The following NEDD4 variants were observed in gnomAD, a reference collection of about 807,000 sequenced individuals.
NEDD4 encodes the protein NEDD4 E3 ubiquitin protein ligase.
Under a neutral mutation model 144.9 loss-of-function variants are expected in NEDD4, and 99 were observed. That is an observed-to-expected ratio of 0.68 (90% CI 0.58 to 0.81). NEDD4 has a LOEUF of 0.81. Among genes scored for constraint, NEDD4 ranks in the 30% least tolerant of loss-of-function variants. The pLI is 0.00. For missense variants in NEDD4, 985 were observed against 1,065.9 expected (o/e 0.92, Z 1.06); for synonymous variants, 318 against 350.6 (o/e 0.91, Z 1.04).
chr15:55,915,773 T>A, intron 5 of NEDD4: 1 of 1,613,664 alleles, frequency 6.2e-7, no homozygotes, highest in Non-Finnish European at 8.5e-7. Context: ...AAAGAACAAT[T>A]TTCTTCTGTA....
intron 2 of NEDD4, among the ~76,000 whole-genome samples, chr15:55,958,440 T>C (rs534789576): frequency 4.6e-5 from 7 of 152,310 alleles, no homozygotes; most frequent in East Asian, 3.9e-4. Flanking sequence ...TTGACAGATA[T>C]TGGTTTTAAG....
At chr15:55,853,914 C>T (rs569645072) in intron 12 of NEDD4, among the ~76,000 whole-genome samples, 4 of 152,244 alleles carry the variant, frequency 2.6e-5, no homozygotes, top group South Asian at 2.1e-4. Flanking sequence ...CTGCTTGAAC[C>T]GGGAGGCAGA....
chr15:55,923,569 C>A (rs1346932078), intron 5 of NEDD4, among the ~76,000 whole-genome samples: 8 of 150,832 alleles, frequency 5.3e-5, no homozygotes, highest in African/African-American at 9.7e-5. Context: ...ACTGCATGAA[C>A]CCTGGAGGCG....
chr15:55,949,132 C>T (rs80015860), intron 4 of NEDD4, among the ~76,000 whole-genome samples: 20,433 of 151,976 alleles, frequency 0.13, 1,497 homozygotes, highest in East Asian at 0.32. Context: ...CATCAAGAAG[C>T]GGGCGAAGGA....
chr15:55,869,093 T>C (rs748091255), intron 8 of NEDD4, among the ~76,000 whole-genome samples: 10 of 152,152 alleles, frequency 6.6e-5, no homozygotes, highest in Non-Finnish European at 5.9e-5. Context: ...TCCATGAAAA[T>C]TGTTAAATTC....
intron 4 of NEDD4, among the ~76,000 whole-genome samples, chr15:55,947,435 G>A (rs1404218205): frequency 1.3e-5 from 2 of 152,094 alleles, no homozygotes; most frequent in South Asian, 2.1e-4. Flanking sequence ...TAAATTCCTC[G>A]ACACATACAC....
chr15:55,979,650 G>A (rs2037767383), intron 1 of NEDD4, among the ~76,000 whole-genome samples: 1 of 152,076 alleles, frequency 6.6e-6, no homozygotes, highest in Admixed American at 6.5e-5. Flanking sequence ...ACCGCGCCCG[G>A]CGAAAGTTTT....
intron 18 of NEDD4, among the ~76,000 whole-genome samples, chr15:55,843,399 CTTAA>C (rs752983491): frequency 2.7e-4 from 41 of 152,344 alleles, no homozygotes; most frequent in Non-Finnish European, 5.4e-4. Context: ...AGTCTGTGCT[CTTAA>C]TTAATGGAGC....
At chr15:55,834,985 G>C (rs1294703452) in intron 24 of NEDD4, among the ~76,000 whole-genome samples, 2 of 152,110 alleles carry the variant, frequency 1.3e-5, no homozygotes, top group Non-Finnish European at 2.9e-5. Flanking sequence ...TCCTCAGGGA[G>C]GTCATCTCAC....
At chr15:55,955,973 A>G (rs2037331864) in intron 2 of NEDD4, among the ~76,000 whole-genome samples, 1 of 151,072 alleles carries the variant, frequency 6.6e-6, no homozygotes. Context: ...GCATCACCAC[A>G]CCTGGCTAAT....
intron 5 of NEDD4, among the ~76,000 whole-genome samples, chr15:55,888,550 T>A (rs1482205626): frequency 1.3e-5 from 2 of 152,216 alleles, no homozygotes; most frequent in African/African-American, 4.8e-5. Context: ...ACAGATTTGA[T>A]GCAATCCCTA....
chr15:55,840,377 A>C, intron 21 of NEDD4, 70 bp downstream of exon 21: 1 of 1,381,816 alleles, frequency 7.2e-7, no homozygotes, highest in East Asian at 2.4e-5. Context: ...CATTAAAAGC[A>C]AATTCTTCAA....
chr15:55,906,708 C>G (rs2036111487), intron 5 of NEDD4, among the ~76,000 whole-genome samples: 1 of 152,064 alleles, frequency 6.6e-6, no homozygotes, highest in African/African-American at 2.4e-5. Flanking sequence ...GTGCAGCACA[C>G]CAACATGGCA....
intron 4 of NEDD4, among the ~76,000 whole-genome samples, chr15:55,938,210 T>G (rs1389766282): frequency 6.6e-6 from 1 of 152,004 alleles, no homozygotes; most frequent in Non-Finnish European, 1.5e-5. Context: ...AATACAAAAA[T>G]TAGCTGGGCA....
At chr15:55,930,524 CAG>C (rs1303472852) in intron 4 of NEDD4, among the ~76,000 whole-genome samples, 1 of 152,100 alleles carries the variant, frequency 6.6e-6, no homozygotes, top group Non-Finnish European at 1.5e-5. Flanking sequence ...ATAATACAAA[CAG>C]AGGGAAGAAA....
At chr15:55,842,725 G>C (rs764591435) in intron 18 of NEDD4, among the ~76,000 whole-genome samples, 1 of 152,182 alleles carries the variant, frequency 6.6e-6, no homozygotes, top group Non-Finnish European at 1.5e-5. Context: ...AAGGCATTTC[G>C]TTAACAGTCC....
intron 2 of NEDD4, among the ~76,000 whole-genome samples, chr15:55,961,232 T>C (rs1472472302): frequency 1.3e-5 from 2 of 152,164 alleles, no homozygotes; most frequent in Admixed American, 1.3e-4. Context: ...TAAACATCTA[T>C]GTCCAAATTC....
intron 13 of NEDD4, 55 bp from the exon 14 acceptor site, chr15:55,850,797 G>C (rs2142007537): frequency 6.7e-7 from 1 of 1,493,472 alleles, no homozygotes; most frequent in Non-Finnish European, 9.0e-7. Context: ...CTCACAAATA[G>C]ATGTAGTTAA....
At chr15:55,864,423 T>C (rs1180118050) in intron 8 of NEDD4, among the ~76,000 whole-genome samples, 1 of 151,970 alleles carries the variant, frequency 6.6e-6, no homozygotes, top group African/African-American at 2.4e-5. Context: ...GGCTCAGGCC[T>C]ATAATTCCAG....
Sources: gnomAD v4.1 joint callset for allele counts (sites outside exome capture counted in the v4.1 genomes callset) on GRCh38, gnomAD v4.1.1 for gene constraint, MANE v1.5 for transcripts, NCBI Gene and HGNC (gene_info 2026-07-23, HGNC 2026-07-21) for gene names.